PDE8A: variants seen among roughly 807,000 people sequenced by gnomAD.
PDE8A encodes the protein phosphodiesterase 8A, also known as high affinity cAMP-specific and IBMX-insensitive 3',5'-cyclic phosphodiesterase 8A.
PDE8A carries 59 observed loss-of-function variants against 105.0 expected under a neutral mutation model. The ratio of observed to expected loss-of-function variants is 0.56; its 90% CI spans 0.46 to 0.70. The LOEUF is 0.70. Ranked by LOEUF, PDE8A falls within the 30% of genes least tolerant of loss-of-function variation. The pLI, the probability that PDE8A is intolerant of heterozygous loss-of-function variation, is 0.00. For synonymous variants in PDE8A, 355 were observed against 371.9 expected (o/e 0.95, Z 0.52); for missense variants, 1,014 against 1,045.9 (o/e 0.97, Z 0.42).
chr15:85,111,521 A>G (rs1049380402), intron 12 of PDE8A, among the ~76,000 whole-genome samples: 1 of 152,162 alleles, frequency 6.6e-6, no homozygotes, highest in African/African-American at 2.4e-5. Flanking sequence ...CGAATATGTG[A>G]TCTGTTCCTG....
chr15:85,088,295 G>T (rs2081586396), intron 6 of PDE8A, among the ~76,000 whole-genome samples: 2 of 152,224 alleles, frequency 1.3e-5, no homozygotes, highest in Admixed American at 1.3e-4. Flanking sequence ...AAAGTGTTGG[G>T]ATTAGGGGCA....
chr15:85,071,687 G>C (rs1311515324), intron 3 of PDE8A, among the ~76,000 whole-genome samples: 1 of 152,222 alleles, frequency 6.6e-6, no homozygotes, highest in African/African-American at 2.4e-5. Flanking sequence ...GAGGAGGACA[G>C]CTGCTGACAC....
At chr15:84,989,577 A>T (rs954264234) in intron 1 of PDE8A, among the ~76,000 whole-genome samples, 3 of 152,204 alleles carry the variant, frequency 2.0e-5, no homozygotes, top group African/African-American at 7.2e-5. Context: ...TTTTGGGTCC[A>T]GCTCCATCAG....
At chr15:85,082,480 A>C (rs1305540439) in intron 5 of PDE8A, among the ~76,000 whole-genome samples, 1 of 152,208 alleles carries the variant, frequency 6.6e-6, no homozygotes, top group Non-Finnish European at 1.5e-5. Context: ...TAGGTGCCTC[A>C]TATACAATCA....
intron 8 of PDE8A, among the ~76,000 whole-genome samples, chr15:85,097,371 C>T (rs925579627): frequency 1.3e-5 from 2 of 152,146 alleles, no homozygotes; most frequent in African/African-American, 4.8e-5. Flanking sequence ...ATCAGGAGAG[C>T]ACAGCTAATG....
At chr15:85,133,836 G>A (rs1300764900) in intron 20 of PDE8A, among the ~76,000 whole-genome samples, 1 of 152,236 alleles carries the variant, frequency 6.6e-6, no homozygotes, top group African/African-American at 2.4e-5. Flanking sequence ...CCTGAAGCAA[G>A]GTGAAGAGGC....
At chr15:85,034,654 A>G (rs140774587) in intron 1 of PDE8A, among the ~76,000 whole-genome samples, 50 of 152,370 alleles carry the variant, frequency 3.3e-4, no homozygotes, top group Non-Finnish European at 4.7e-4. Context: ...AAGAGTTAAT[A>G]TAACTGACTA....
At chr15:85,060,052 G>A (rs186123256) in intron 1 of PDE8A, among the ~76,000 whole-genome samples, 49 of 152,200 alleles carry the variant, frequency 3.2e-4, no homozygotes, top group African/African-American at 1.2e-3. Context: ...CTTAACTTCT[G>A]TCATTTTGCT....
intron 5 of PDE8A, among the ~76,000 whole-genome samples, chr15:85,077,640 G>T (rs530012917): frequency 3.8e-4 from 58 of 152,142 alleles, no homozygotes; most frequent in Non-Finnish European, 6.6e-4. Context: ...AGGTGACAGG[G>T]CATCCCAAGG....
At chr15:85,115,377 G>A (rs2082079668) in intron 14 of PDE8A, 62 bp from the exon 15 acceptor site, 2 of 1,126,274 alleles carry the variant, frequency 1.8e-6, no homozygotes, top group Non-Finnish European at 2.6e-6. Context: ...ACCACCTGGA[G>A]TTTCCAGGAA....
chr15:85,081,657 C>T (rs138746547), intron 5 of PDE8A, among the ~76,000 whole-genome samples: 8 of 152,272 alleles, frequency 5.3e-5, no homozygotes, highest in Non-Finnish European at 7.4e-5. Flanking sequence ...ACCCTCCATG[C>T]CCTGTGGGAT....
chr15:85,131,124 T>C (rs768536958), intron 20 of PDE8A, among the ~76,000 whole-genome samples: 1 of 152,216 alleles, frequency 6.6e-6, no homozygotes, highest in Non-Finnish European at 1.5e-5. Flanking sequence ...CTCTTGGATA[T>C]TATTTTCATG....
chr15:85,073,241 A>G (rs1315454348), intron 3 of PDE8A, among the ~76,000 whole-genome samples: 1 of 152,186 alleles, frequency 6.6e-6, no homozygotes, highest in African/African-American at 2.4e-5. Flanking sequence ...ACATTCAGGT[A>G]TACATTTCAA....
At position 84,999,121 on chromosome 15, in the gene PDE8A, C is replaced by CTTTT. The variant is rs35710429; in HGVS notation, c.186+16787_186+16790dup. ...GTAAATTTTCCTGATAGGTCACATT[C>CTTTT]TTTTTTTTTTTTTTTTTGAGACGGA... On this transcript the variant is annotated intron_variant, in intron 1 of 21. Coordinates refer to ENST00000394553, the MANE Select transcript of PDE8A (RefSeq NM_002605.3). Among the ~76,000 whole-genome samples, 10 of 131,498 alleles carry CTTTT rather than the reference C, an allele frequency of 7.6e-5. 1 individual carries two copies. Among genetic ancestry groups the CTTTT allele is most frequent in the South Asian group, 2.4e-4 (1 of 4,214 alleles). 86.3% of individuals were successfully genotyped at this position (131,498 alleles called of 152,430 possible). A position where few individuals can be genotyped will look rare whatever the true frequency, so the allele number is the denominator to read the frequency against.
chr15:85,018,560 TTAGGAA>T (rs1355417161), intron 1 of PDE8A, among the ~76,000 whole-genome samples: 4 of 152,162 alleles, frequency 2.6e-5, no homozygotes, highest in Non-Finnish European at 5.9e-5. Context: ...TTTTTTAGTA[TTAGGAA>T]TAAGTAACAT....
chr15:85,003,510 G>A (rs2080098616), intron 1 of PDE8A, among the ~76,000 whole-genome samples: 1 of 152,158 alleles, frequency 6.6e-6, no homozygotes, highest in African/African-American at 2.4e-5. Flanking sequence ...CAGAGGAGGT[G>A]AGGGTACTGA....
intron 7 of PDE8A, among the ~76,000 whole-genome samples, chr15:85,089,722 C>T (rs1025059987): frequency 1.3e-5 from 2 of 152,154 alleles, no homozygotes; most frequent in African/African-American, 2.4e-5. Flanking sequence ...TTGCTGGGGG[C>T]TTGGGGGTAG....
At chr15:85,118,363 T>G (rs1435246865) in intron 17 of PDE8A, among the ~76,000 whole-genome samples, 1 of 152,148 alleles carries the variant, frequency 6.6e-6, no homozygotes, top group Non-Finnish European at 1.5e-5. Flanking sequence ...CACATCTGGT[T>G]GATCATCTGA....
Position 85,123,184 on chromosome 15 carries a change from A to C in PDE8A, c.2076A>C (p.Glu692Asp). 1 of 1,614,070 alleles carries C rather than the reference A, an allele frequency of 6.2e-7. No homozygotes were observed. Among genetic ancestry groups the C allele is most frequent in the Non-Finnish European group, 8.5e-7 (1 of 1,179,952 alleles). Reference sequence around the variant, plus strand: ...TCAACAAACCCTTGGCAACACTAGAAGAAAATGGGGTAAGGGAAACTTATT... The same window carrying C: ...TCAACAAACCCTTGGCAACACTAGACGAAAATGGGGTAAGGGAAACTTATT... Reference protein sequence around the residue: ...NSINKPLATLEENGETDKNQE... With the variant: ...NSINKPLATLDENGETDKNQE... The change falls in exon 19 of 22, where the codon GAA becomes GAC. Residue 692 changes from glutamate (E) to aspartate (D), a missense_variant. Coordinates refer to ENST00000394553, the MANE Select transcript of PDE8A (RefSeq NM_002605.3).
Sources: allele counts gnomAD v4.1 joint callset (sites outside exome capture counted in the v4.1 genomes callset), GRCh38; gene constraint gnomAD v4.1.1; transcripts MANE v1.5; gene names NCBI Gene and HGNC (gene_info 2026-07-23, HGNC 2026-07-21).